DNAJC10: variants seen among roughly 807,000 people sequenced by gnomAD.
The protein encoded by DNAJC10 is DnaJ heat shock protein family (Hsp40) member C10, also known as endoplasmic reticulum disulfide reductase DNAJC10.
In DNAJC10, 101 loss-of-function variants were observed where a neutral mutation model predicts 115.0. That is an observed-to-expected ratio of 0.88 (90% CI 0.75 to 1.04). DNAJC10 has a LOEUF of 1.04. Ranked by LOEUF, DNAJC10 falls within the 50% of genes least tolerant of loss-of-function variation. The probability of loss-of-function intolerance (pLI) is 0.00; values close to 1 mark genes in which losing one functional copy is unlikely to be tolerated. For synonymous variants in DNAJC10, 307 were observed against 301.5 expected (o/e 1.02, Z -0.19); for missense variants, 981 against 928.8 (o/e 1.06, Z -0.73).
intron 11 of DNAJC10, chr2:182,739,590 G>T: frequency 8.3e-7 from 1 of 1,200,560 alleles, no homozygotes; most frequent in Non-Finnish European, 1.1e-6. Flanking sequence ...AGAGTTATAT[G>T]ACAAAATATG....
In DNAJC10 at chr2:182,784,998, T is replaced by C. The variant is rs906564326; in HGVS notation, c.*7866T>C. 6.6e-6 allele frequency: 1 copy of C among 152,208 alleles called. No homozygotes were observed. Among genetic ancestry groups the C allele is most frequent in the Non-Finnish European group, 1.5e-5 (1 of 68,030 alleles). 9.4% of individuals were successfully genotyped at this position (152,208 alleles called of 1,614,324 possible). A position where few individuals can be genotyped will look rare whatever the true frequency, so the allele number is the denominator to read the frequency against. On this transcript the variant is annotated 3_prime_UTR_variant, in exon 24 of 24. Transcript: ENST00000264065. ...CTGGCCTTTGTGTTTTCACTAAAAA[T>C]ATCCTGAATTATCAGTCAGTTATGT...
chr2:182,770,280 A>G (rs992022409), intron 22 of DNAJC10, among the ~76,000 whole-genome samples: 4 of 152,030 alleles, frequency 2.6e-5, no homozygotes, highest in Non-Finnish European at 5.9e-5. Flanking sequence ...TTTGCTTAGG[A>G]TTGTCTTGGC....
intron 18 of DNAJC10, 63 bp from the exon 19 acceptor site, chr2:182,757,629 C>T: frequency 7.9e-7 from 1 of 1,267,204 alleles, no homozygotes; most frequent in Non-Finnish European, 1.1e-6. Context: ...TAATACAATG[C>T]TTATTTCTTT....
chr2:182,740,767 T>C, intron 12 of DNAJC10, among the ~76,000 whole-genome samples: 1 of 152,154 alleles, frequency 6.6e-6, no homozygotes, highest in Admixed American at 6.5e-5. Flanking sequence ...AAATATTGCT[T>C]GTGGTAGAAT....
In DNAJC10 at chr2:182,781,707, A is replaced by G. The variant is rs950601483; in HGVS notation, c.*4575A>G. ...TGTGTTTTTGATTTGCATTTCTCTA[A>G]TGACCACTGATGATGAGCTTTTTTT... is the stretch of plus-strand genomic sequence containing the variant. On this transcript the variant is annotated 3_prime_UTR_variant, in exon 24 of 24. Coordinates refer to ENST00000264065, the MANE Select transcript of DNAJC10 (RefSeq NM_018981.4). The G allele has an allele frequency of 2.0e-5, 3 of 152,172 alleles. No homozygotes were observed. The highest frequency in any genetic ancestry group is 4.4e-5 in the Non-Finnish European group (3 of 68,034). 9.4% of individuals were successfully genotyped at this position (152,172 alleles called of 1,614,324 possible). A position where few individuals can be genotyped will look rare whatever the true frequency, so the allele number is the denominator to read the frequency against.
intron 14 of DNAJC10, among the ~76,000 whole-genome samples, chr2:182,747,610 CA>C (rs1693902369): frequency 6.6e-6 from 1 of 152,000 alleles, no homozygotes; most frequent in Non-Finnish European, 1.5e-5. Context: ...AGTTGTTTAT[CA>C]GCTTAAGGAG....
chr2:182,745,618 ATACTT>A (rs1256892645), intron 14 of DNAJC10, among the ~76,000 whole-genome samples: 1 of 152,192 alleles, frequency 6.6e-6, no homozygotes, highest in Non-Finnish European at 1.5e-5. Flanking sequence ...AATGTGAACT[ATACTT>A]AGTAATCTCT....
At chr2:182,758,307 C>T (rs1414954432) in intron 19 of DNAJC10, among the ~76,000 whole-genome samples, 1 of 152,180 alleles carries the variant, frequency 6.6e-6, no homozygotes, top group African/African-American at 2.4e-5. Flanking sequence ...AAGTCTGTCT[C>T]AGCACCCATG....
intron 14 of DNAJC10, among the ~76,000 whole-genome samples, chr2:182,744,454 A>G (rs1191047318): frequency 6.6e-6 from 1 of 152,220 alleles, no homozygotes; most frequent in African/African-American, 2.4e-5. Context: ...TGGTCATTGT[A>G]TATTAATGAC....
At chr2:182,761,862 A>G (rs922772070) in intron 21 of DNAJC10, among the ~76,000 whole-genome samples, 1 of 152,072 alleles carries the variant, frequency 6.6e-6, no homozygotes, top group African/African-American at 2.4e-5. Context: ...CTCTGATTGG[A>G]TATTATAACT....
rs1694869957 is a variant in DNAJC10 at position 182,782,408 on chromosome 2, T to TGC, written c.*5276_*5277insGC. ...TGCCTTGGCTATATGGGCTCTTTTT[T>TGC]TTTTGGTTCCATATGAAATTTAAAG... On this transcript the variant is annotated 3_prime_UTR_variant, in exon 24 of 24. Coordinates refer to ENST00000264065, the MANE Select transcript of DNAJC10 (RefSeq NM_018981.4). The TGC allele has an allele frequency of 1.3e-5, 2 of 152,172 alleles. No individual in the cohort carries two copies. Among genetic ancestry groups the TGC allele is most frequent in the African/African-American group, 4.8e-5 (2 of 41,454 alleles). 9.4% of individuals were successfully genotyped at this position (152,172 alleles called of 1,614,324 possible).
intron 4 of DNAJC10, among the ~76,000 whole-genome samples, 196 bp downstream of exon 4, chr2:182,720,365 G>A (rs1365836878): frequency 6.6e-6 from 1 of 152,074 alleles, no homozygotes; most frequent in Non-Finnish European, 1.5e-5. Flanking sequence ...AGTTGTATTG[G>A]TTAAATCTTG....
chr2:182,742,223 C>A (rs907124108), intron 13 of DNAJC10, among the ~76,000 whole-genome samples: 4 of 152,118 alleles, frequency 2.6e-5, no homozygotes, highest in Non-Finnish European at 5.9e-5. Context: ...GTCATTCTGT[C>A]ACCCAGGCTG....
At chr2:182,723,963 T>G (rs1693219320) in intron 5 of DNAJC10, among the ~76,000 whole-genome samples, 1 of 152,206 alleles carries the variant, frequency 6.6e-6, no homozygotes, top group African/African-American at 2.4e-5. Context: ...GACCCTCTAG[T>G]GAAGCTTTCC....
In DNAJC10 at chr2:182,728,610, A is replaced by AC; in HGVS notation, c.453_454insC (p.Asn152GlnfsTer12). On this transcript the variant is annotated frameshift_variant, in exon 6 of 24. Transcript: ENST00000264065. LOFTEE classifies it high-confidence loss of function. ...TTAATTCTGGAGAACTGTGGTTTGT[A>AC]AATTTTTACTCCCCAGGCTGTTCAC... 1.9e-6 allele frequency: 3 copies of AC among 1,612,642 alleles called. No individual in the cohort carries two copies. The highest frequency in any genetic ancestry group is 2.5e-6 in the Non-Finnish European group (3 of 1,179,196).
intron 22 of DNAJC10, among the ~76,000 whole-genome samples, chr2:182,768,339 A>G (rs140664013): frequency 2.4e-4 from 37 of 152,294 alleles, no homozygotes; most frequent in African/African-American, 8.7e-4. Flanking sequence ...AATATCAGAG[A>G]AGTATCAATT....
chr2:182,771,706 A>T (rs1333549796), intron 22 of DNAJC10, among the ~76,000 whole-genome samples: 1 of 151,006 alleles, frequency 6.6e-6, no homozygotes, highest in Non-Finnish European at 1.5e-5. Flanking sequence ...CGTCCATTTG[A>T]TTCTTCTCTC....
intron 21 of DNAJC10, among the ~76,000 whole-genome samples, chr2:182,760,850 G>A (rs1306185917): frequency 6.6e-6 from 1 of 152,108 alleles, no homozygotes; most frequent in African/African-American, 2.4e-5. Context: ...TTATTAGCTG[G>A]TGCATCAGAT....
At chr2:182,773,578 T>C (rs1337594629) in intron 22 of DNAJC10, among the ~76,000 whole-genome samples, 1 of 152,232 alleles carries the variant, frequency 6.6e-6, no homozygotes, top group Non-Finnish European at 1.5e-5. Flanking sequence ...TTCATTAATT[T>C]GATCTTCAAT....
Sources: gnomAD v4.1 joint callset for allele counts (sites outside exome capture counted in the v4.1 genomes callset) on GRCh38, gnomAD v4.1.1 for gene constraint, MANE v1.5 for transcripts, NCBI Gene and HGNC (gene_info 2026-07-23, HGNC 2026-07-21) for gene names.